The following HM13 variants were observed in gnomAD, a reference collection of about 807,000 sequenced individuals.
HM13 encodes histocompatibility minor 13, also known as signal peptide peptidase.
HM13 carries 18 observed loss-of-function variants against 50.0 expected under a neutral mutation model. The observed-to-expected ratio is 0.36, with a 90% CI of 0.25 to 0.53. HM13 has a LOEUF of 0.53. Among genes scored for constraint, HM13 ranks in the 20% least tolerant of loss-of-function variants. The pLI is 0.90. For synonymous variants in HM13, 197 were observed against 232.6 expected (o/e 0.85, Z 1.39); for missense variants, 393 against 552.4 (o/e 0.71, Z 2.89).
At chr20:31,528,872 A>G (rs921478513) in intron 2 of HM13, among the ~76,000 whole-genome samples, 11 of 152,012 alleles carry the variant, frequency 7.2e-5, no homozygotes, top group Non-Finnish European at 1.3e-4. Context: ...TCCCTCCCAA[A>G]GTGCTGGGAT....
intron 1 of HM13, among the ~76,000 whole-genome samples, chr20:31,519,003 C>T (rs565139259): frequency 1.3e-5 from 2 of 152,246 alleles, no homozygotes; most frequent in South Asian, 4.1e-4. Flanking sequence ...GCCCTATTTC[C>T]CTCCTCAGAG....
rs1309717172 is a variant in HM13, at chr20:31,558,548, C to CG, written c.809-1063_809-1062insG. On this transcript the variant is annotated intron_variant, in intron 8 of 12. Transcript: ENST00000398174. ...CTCCAGGACCTTTGCACATGCTGTT[C>CG]TCTCCTCCTGGCGTGTGGCATTTCC... Among the ~76,000 whole-genome samples, 121 of 128,456 alleles carry CG rather than the reference C, an allele frequency of 9.4e-4. 1 individual carries two copies. Among genetic ancestry groups the CG allele is most frequent in the African/African-American group, 5.5e-3 (119 of 21,512 alleles). 84.3% of individuals were successfully genotyped at this position (128,456 alleles called of 152,430 possible). A position where few individuals can be genotyped will look rare whatever the true frequency, so the allele number is the denominator to read the frequency against.
At chr20:31,564,646 A>G (rs555443714) in intron 10 of HM13, among the ~76,000 whole-genome samples, 7 of 152,140 alleles carry the variant, frequency 4.6e-5, no homozygotes, top group Admixed American at 3.3e-4. Context: ...GTAGCAAGGG[A>G]CCTGACTCCA....
rs1337599897 is a variant in HM13 at position 31,514,474 on chromosome 20, C to T, written c.-78C>T. ...GTTGCCTTAGGGGAACGTGGCTTTCCCTGCAGAGCCGGTGTCTCCGCCTGC... is the reference window on the plus strand; with the variant it reads ...GTTGCCTTAGGGGAACGTGGCTTTCTCTGCAGAGCCGGTGTCTCCGCCTGC... On this transcript the variant is annotated 5_prime_UTR_variant, in exon 1 of 13. Coordinates refer to ENST00000398174, the MANE Select transcript of HM13 (RefSeq NM_178581.3). The surrounding 1 kb of genome is among the most constrained non-coding windows in gnomAD (Gnocchi z 4.3). 2 of 1,484,566 alleles carry T rather than the reference C, an allele frequency of 1.3e-6. No homozygotes were observed. Among genetic ancestry groups the T allele is most frequent in the Non-Finnish European group, 1.8e-6 (2 of 1,096,106 alleles). The allele number at this position is 1,484,566 out of a possible 1,614,324, so 92.0% of individuals were successfully genotyped here. A position where few individuals can be genotyped will look rare whatever the true frequency, so the allele number is the denominator to read the frequency against.
Position 31,514,457 on chromosome 20 carries a change from A to T in HM13, c.-95A>T. On this transcript the variant is annotated 5_prime_UTR_variant, in exon 1 of 13. Coordinates refer to ENST00000398174, the MANE Select transcript of HM13 (RefSeq NM_178581.3). The surrounding 1 kb of genome is among the most constrained non-coding windows in gnomAD (Gnocchi z 4.3). Reference sequence around the variant, plus strand: ...GGAGCACGTCACTTCCTGTTGCCTTAGGGGAACGTGGCTTTCCCTGCAGAG... The same window carrying T: ...GGAGCACGTCACTTCCTGTTGCCTTTGGGGAACGTGGCTTTCCCTGCAGAG... 1.2e-5 allele frequency: 16 copies of T among 1,378,812 alleles called. No homozygotes were observed. Among genetic ancestry groups the T allele is most frequent in the Non-Finnish European group, 1.6e-5 (16 of 1,009,262 alleles). 85.4% of individuals were successfully genotyped at this position (1,378,812 alleles called of 1,614,324 possible). A position where few individuals can be genotyped will look rare whatever the true frequency, so the allele number is the denominator to read the frequency against.
intron 4 of HM13, chr20:31,548,137 C>A (rs193020883): frequency 6.1e-5 from 53 of 873,482 alleles, no homozygotes; most frequent in Non-Finnish European, 9.8e-5. Flanking sequence ...AGCGTGAATA[C>A]AATGCCTCTG....
intron 4 of HM13, among the ~76,000 whole-genome samples, chr20:31,546,344 C>G (rs1012079262): frequency 4.6e-5 from 7 of 152,128 alleles, no homozygotes; most frequent in Admixed American, 6.5e-5. Flanking sequence ...CCGTAGCACT[C>G]TCTCTTACTG....
intron 1 of HM13, among the ~76,000 whole-genome samples, chr20:31,516,347 T>G (rs1208056078): frequency 1.3e-5 from 2 of 152,206 alleles, no homozygotes; most frequent in Non-Finnish European, 2.9e-5. Context: ...GCAACAGTAT[T>G]TCCTGAACTT....
intron 1 of HM13, among the ~76,000 whole-genome samples, chr20:31,522,487 A>G (rs2122544521): frequency 6.6e-6 from 1 of 151,686 alleles, no homozygotes; most frequent in East Asian, 1.9e-4. Flanking sequence ...CTTGATTTGT[A>G]GTGAGCTGAG....
chr20:31,523,949 C>T (rs1758701034), intron 1 of HM13, among the ~76,000 whole-genome samples: 5 of 152,212 alleles, frequency 3.3e-5, no homozygotes, highest in Admixed American at 3.3e-4. Flanking sequence ...CCTGGGCTGC[C>T]TCAGCCATGC....
chr20:31,517,462 C>T (rs945189593), intron 1 of HM13, among the ~76,000 whole-genome samples: 3 of 152,104 alleles, frequency 2.0e-5, no homozygotes, highest in Non-Finnish European at 4.4e-5. Flanking sequence ...GTGGGCTAGG[C>T]TCTGGGCTGG....
Position 31,549,482 on chromosome 20 carries a change from A to C in HM13, c.666+150A>C, listed in dbSNP as rs1032708378. The C allele has an allele frequency of 7.5e-6, 7 of 935,164 alleles. No individual in the cohort carries two copies. In the Admixed American group the frequency reaches 8.3e-5, roughly 11 times the overall value. The allele number at this position is 935,164 out of a possible 1,614,324, so 57.9% of individuals were successfully genotyped here. On this transcript the variant is annotated intron_variant, in intron 6 of 12. Transcript: ENST00000398174. ...CGCAGAGCAAGTCCTCTCTGGGCCC[A>C]TCTGTGAGATGGAGCCAGAGAGAGC...
intron 4 of HM13, chr20:31,547,732 C>A: frequency 9.2e-7 from 1 of 1,086,752 alleles, no homozygotes; most frequent in Non-Finnish European, 1.4e-6. Flanking sequence ...AAGAAAGGGG[C>A]CTTTTTGTCC....
At chr20:31,554,634 A>T in intron 7 of HM13, 112 bp from the exon 8 acceptor site, 1 of 783,314 alleles carries the variant, frequency 1.3e-6, no homozygotes, top group Admixed American at 2.4e-5. Context: ...GTGAGCCGAG[A>T]TTGCGCCACT....
At chr20:31,551,415 A>C (rs1984028132) in intron 7 of HM13, among the ~76,000 whole-genome samples, 1 of 152,206 alleles carries the variant, frequency 6.6e-6, no homozygotes, top group African/African-American at 2.4e-5. Flanking sequence ...TGTCCAGAAA[A>C]AGAAAGGGGA....
chr20:31,521,102 G>T (rs1982133141), intron 1 of HM13, among the ~76,000 whole-genome samples: 1 of 152,082 alleles, frequency 6.6e-6, no homozygotes, highest in African/African-American at 2.4e-5. Context: ...ACACAAATCT[G>T]GTTAAAAAAT....
intron 2 of HM13, among the ~76,000 whole-genome samples, chr20:31,537,590 G>A (rs760693121): frequency 9.2e-5 from 14 of 152,218 alleles, no homozygotes; most frequent in Non-Finnish European, 1.5e-4. Context: ...ACCATTGACT[G>A]GAGCATTGTG....
At chr20:31,534,823 C>T (rs940031211) in intron 2 of HM13, among the ~76,000 whole-genome samples, 5 of 152,050 alleles carry the variant, frequency 3.3e-5, no homozygotes, top group South Asian at 2.1e-4. Flanking sequence ...CAGTGGCTCA[C>T]GCCTGTAATC....
intron 3 of HM13, among the ~76,000 whole-genome samples, chr20:31,543,875 C>T (rs1016030075): frequency 1.5e-4 from 23 of 151,536 alleles, no homozygotes; most frequent in Admixed American, 5.3e-4. Flanking sequence ...CGGAGCTTGC[C>T]GTGAGCCGAG....
Sources: allele counts gnomAD v4.1 joint callset (sites outside exome capture counted in the v4.1 genomes callset), GRCh38; gene constraint gnomAD v4.1.1; non-coding constraint Gnocchi (gnomAD v3.1); transcripts MANE v1.5; gene names NCBI Gene and HGNC (gene_info 2026-07-23, HGNC 2026-07-21).